The following MAML3 variants were observed in gnomAD, a reference collection of about 807,000 sequenced individuals.
MAML3 encodes the protein mastermind like transcriptional coactivator 3.
MAML3 carries 27 observed loss-of-function variants against 101.9 expected under a neutral mutation model. The observed-to-expected ratio is 0.27, with a 90% CI of 0.20 to 0.37. The LOEUF (loss-of-function observed/expected upper bound fraction) is 0.37. Among genes scored for constraint, MAML3 ranks in the 10% least tolerant of loss-of-function variants. MAML3 has a pLI of 1.00. For missense variants in MAML3, 1,316 were observed against 1,444.9 expected, an observed-to-expected ratio of 0.91 and a Z score of 1.45; for synonymous variants, 501 against 555.9, an observed-to-expected ratio of 0.90 and a Z score of 1.39.
At chr4:140,069,384 A>G (rs7657584) in intron 1 of MAML3, among the ~76,000 whole-genome samples, 5,864 of 59,586 alleles carry the variant, frequency 0.098, 272 homozygotes, top group Middle Eastern at 0.15. Flanking sequence ...GAAGAAGAAG[A>G]AGGAGGAGGA....
chr4:139,816,070 G>C (rs1485323448), intron 2 of MAML3, among the ~76,000 whole-genome samples: 1 of 152,196 alleles, frequency 6.6e-6, no homozygotes, highest in Non-Finnish European at 1.5e-5. Context: ...AGTCAGTCAG[G>C]AGGGGAGGAA....
intron 2 of MAML3, among the ~76,000 whole-genome samples, chr4:139,863,928 C>T (rs1183289217): frequency 2.1e-5 from 3 of 144,570 alleles, no homozygotes; most frequent in African/African-American, 7.5e-5. Context: ...GAACAAACTG[C>T]AAGAGCAGAC....
intron 2 of MAML3, among the ~76,000 whole-genome samples, chr4:139,825,224 G>C (rs1731041579): frequency 6.6e-6 from 1 of 152,168 alleles, no homozygotes; most frequent in Non-Finnish European, 1.5e-5. Flanking sequence ...CTTAGAATAG[G>C]AAGAGGAAAG....
intron 2 of MAML3, among the ~76,000 whole-genome samples, chr4:139,850,920 A>C (rs544544935): frequency 6.6e-6 from 1 of 151,738 alleles, no homozygotes; most frequent in East Asian, 1.9e-4. Context: ...AAAAAAAGAG[A>C]GAGAGAGCCC....
chr4:140,077,384 G>T (rs529517955), intron 1 of MAML3, among the ~76,000 whole-genome samples: 1 of 152,266 alleles, frequency 6.6e-6, no homozygotes, highest in African/African-American at 2.4e-5. Flanking sequence ...ACAAAATCTT[G>T]CAGCCCCGCA....
At chr4:140,092,106 A>G (rs575294342) in intron 1 of MAML3, among the ~76,000 whole-genome samples, 170 of 128,708 alleles carry the variant, frequency 1.3e-3, no homozygotes, top group African/African-American at 4.6e-3. Flanking sequence ...ATATATACGT[A>G]TATATATATA....
intron 2 of MAML3, among the ~76,000 whole-genome samples, chr4:139,863,161 A>G (rs569805247): frequency 2.0e-5 from 3 of 151,768 alleles, no homozygotes; most frequent in Admixed American, 6.6e-5. Context: ...AAAAAAAAAA[A>G]AAAAAAAAAT....
At chr4:139,870,740 C>G (rs936578338) in intron 2 of MAML3, among the ~76,000 whole-genome samples, 2 of 152,184 alleles carry the variant, frequency 1.3e-5, no homozygotes, top group African/African-American at 4.8e-5. Flanking sequence ...CTCCTGGACT[C>G]AAGAGATCCT....
intron 1 of MAML3, among the ~76,000 whole-genome samples, chr4:139,958,734 T>C (rs1733955570): frequency 6.6e-6 from 1 of 152,198 alleles, no homozygotes; most frequent in African/African-American, 2.4e-5. Flanking sequence ...TCCATAGAAC[T>C]CCACCCCCAT....
chr4:139,985,633 T>A (rs1734524891), intron 1 of MAML3, among the ~76,000 whole-genome samples: 1 of 152,188 alleles, frequency 6.6e-6, no homozygotes, highest in Non-Finnish European at 1.5e-5. Flanking sequence ...AATGCATAGA[T>A]TCCTTATTTA....
chr4:140,080,659 T>G (rs1727848325), intron 1 of MAML3, among the ~76,000 whole-genome samples: 1 of 151,962 alleles, frequency 6.6e-6, no homozygotes, highest in Non-Finnish European at 1.5e-5. Context: ...AACATGGAGG[T>G]AAGAAAATAT....
chr4:139,739,742 C>T (rs999031022), intron 2 of MAML3, among the ~76,000 whole-genome samples: 3 of 136,350 alleles, frequency 2.2e-5, no homozygotes, highest in Non-Finnish European at 4.7e-5. Flanking sequence ...AAGAAAAAAG[C>T]AGTTTCTAAA....
chr4:139,916,097 A>G (rs1733022562), intron 1 of MAML3, among the ~76,000 whole-genome samples: 1 of 152,216 alleles, frequency 6.6e-6, no homozygotes, highest in African/African-American at 2.4e-5. Flanking sequence ...GGGAGATTAA[A>G]CAAATTGCCC....
intron 4 of MAML3, among the ~76,000 whole-genome samples, chr4:139,723,716 A>G (rs1390914304): frequency 6.6e-6 from 1 of 152,128 alleles, no homozygotes; most frequent in Admixed American, 6.5e-5. Flanking sequence ...TTCCCCCACA[A>G]ATAATACATG....
At chr4:140,142,109 G>T (rs1045682900) in intron 1 of MAML3, among the ~76,000 whole-genome samples, 1 of 152,144 alleles carries the variant, frequency 6.6e-6, no homozygotes, top group Non-Finnish European at 1.5e-5. Context: ...CAGTTAAAAA[G>T]AATGAGTTGA....
intron 1 of MAML3, among the ~76,000 whole-genome samples, chr4:140,029,335 T>C (rs990382096): frequency 6.6e-6 from 1 of 152,222 alleles, no homozygotes; most frequent in African/African-American, 2.4e-5. Flanking sequence ...TTCCCACTTA[T>C]CAGTTATGCC....
chr4:140,141,256 A>G (rs1425401905), intron 1 of MAML3, among the ~76,000 whole-genome samples: 3 of 152,252 alleles, frequency 2.0e-5, no homozygotes, highest in East Asian at 1.9e-4. Context: ...GCACCTGTGT[A>G]TAATGAAAAC....
chr4:139,716,941 G>T lies in MAML3; in HGVS notation c.*2382C>A, dbSNP rs1320909955. 2 of 152,570 alleles carry T rather than the reference G, an allele frequency of 1.3e-5. No individual in the cohort carries two copies. The highest frequency in any genetic ancestry group is 2.9e-5 in the Non-Finnish European group (2 of 68,032). The allele number at this position is 152,570 out of a possible 1,614,324, so 9.5% of individuals were successfully genotyped here. On this transcript the variant is annotated 3_prime_UTR_variant, in exon 5 of 5. Transcript: ENST00000509479. ...GGAGCAAGTTGCCAGAGGTCATACA[G>T]TACAAATTAGTAATTAGATGTCATC...
At chr4:140,038,891 G>A (rs1727031860) in intron 1 of MAML3, among the ~76,000 whole-genome samples, 1 of 152,190 alleles carries the variant, frequency 6.6e-6, no homozygotes, top group Non-Finnish European at 1.5e-5. Flanking sequence ...AGCACTTTGG[G>A]AGGCTGAGGT....
Sources: gnomAD v4.1 joint callset for allele counts (sites outside exome capture counted in the v4.1 genomes callset) on GRCh38, gnomAD v4.1.1 for gene constraint, MANE v1.5 for transcripts, NCBI Gene and HGNC (gene_info 2026-07-23, HGNC 2026-07-21) for gene names.